Variants in KLHL7 observed in about 807,000 individuals in gnomAD.
KLHL7 encodes kelch-like protein 7.
In KLHL7, 44 loss-of-function variants were observed where a neutral mutation model predicts 67.4. The ratio of observed to expected loss-of-function variants is 0.65; its 90% CI spans 0.51 to 0.84. KLHL7 has a LOEUF of 0.84. Ranked by LOEUF, KLHL7 falls within the 40% of genes least tolerant of loss-of-function variation. KLHL7 has a pLI of 0.00. For synonymous variants in KLHL7, 252 were observed against 243.3 expected (o/e 1.04, Z -0.33); for missense variants, 362 against 718.1 (o/e 0.50, Z 5.67).
At position 23,126,062 on chromosome 7, in the gene KLHL7, C is replaced by A. The variant is rs1398822840; in HGVS notation, c.442+890C>A. 4.6e-6 allele frequency: 3 copies of A among 649,786 alleles called. No homozygotes were observed. The African/African-American group carries it at 5.4e-5, about 12-fold the overall frequency. 40.3% of individuals were successfully genotyped at this position (649,786 alleles called of 1,614,324 possible). ...CAACTTTAACAATATGCTAGCATCA[C>A]TACTCTTATATTTTGGGGCCATTAT... is the stretch of plus-strand genomic sequence containing the variant. On this transcript the variant is annotated intron_variant, in intron 4 of 10. Transcript: ENST00000339077.
chr7:23,171,167 A>C, intron 9 of KLHL7: 1 of 357,912 alleles, frequency 2.8e-6, no homozygotes, highest in Admixed American at 3.2e-5. Context: ...GGCCTCCCAA[A>C]GTGCTGGGAT....
Position 23,115,207 on chromosome 7 carries a change from G to A in KLHL7, c.121-8570G>A, listed in dbSNP as rs530939152. On this transcript the variant is annotated intron_variant, in intron 1 of 10. Transcript: ENST00000339077. ...GCCACACTTTCCGGTATGTTAGAAC[G>A]TCCCTAGGATTGATATAAGAAGATC... Among the ~76,000 whole-genome samples the A allele has an allele frequency of 7.2e-5, 11 of 152,252 alleles. 1 individual carries two copies. The South Asian group carries it at 1.2e-3, about 17-fold the overall frequency.
intron 6 of KLHL7, among the ~76,000 whole-genome samples, chr7:23,150,719 C>T (rs1249512084): frequency 6.6e-6 from 1 of 152,202 alleles, no homozygotes; most frequent in East Asian, 1.9e-4. Context: ...TACCCATCCA[C>T]ATCCCCACCA....
intron 4 of KLHL7, among the ~76,000 whole-genome samples, chr7:23,134,040 A>T (rs561000232): frequency 6.6e-6 from 1 of 152,286 alleles, no homozygotes; most frequent in African/African-American, 2.4e-5. Context: ...ATCTTAGAGG[A>T]CAGGCTTTCA....
chr7:23,143,719 A>G, intron 5 of KLHL7, 132 bp from the exon 6 acceptor site: 2 of 929,060 alleles, frequency 2.2e-6, no homozygotes, highest in African/African-American at 1.6e-5. Flanking sequence ...GCAAGTGTCC[A>G]GGGATGAAAA....
chr7:23,140,882 G>A lies in KLHL7; in HGVS notation c.556G>A (p.Asp186Asn), dbSNP rs1422374767. The part of the protein sequence containing the change: ...VYKTDEFLQL[D>N]VKRVTHLLNQ... ...CAAAACTGATGAATTTCTTCAACTTGATGTCAAGCGAGTAACACATCTTCT... is the reference window on the plus strand; with the variant it reads ...CAAAACTGATGAATTTCTTCAACTTAATGTCAAGCGAGTAACACATCTTCT... Residue 186 changes from aspartate (D) to asparagine (N), a missense_variant, in exon 5 of 11, where the codon GAT (aspartate) becomes AAT (asparagine). By Grantham distance (23) the Asp-to-Asn change is conservative. Transcript: ENST00000339077. 2 of 1,614,058 alleles carry A rather than the reference G, an allele frequency of 1.2e-6. No individual in the cohort carries two copies. Among genetic ancestry groups the A allele is most frequent in the Admixed American group, 1.7e-5 (1 of 60,028 alleles).
At chr7:23,126,120 T>C (rs1263428725) in intron 4 of KLHL7, 1 of 483,094 alleles carries the variant, frequency 2.1e-6, no homozygotes. Context: ...AACAGAGCAC[T>C]GCAATACTAG....
intron 1 of KLHL7, chr7:23,106,604 C>G (rs969847588): frequency 3.8e-6 from 4 of 1,040,264 alleles, no homozygotes; most frequent in Non-Finnish European, 4.6e-6. Flanking sequence ...TCCCCGCCCC[C>G]TCCTGTGTTC....
chr7:23,131,200 C>T (rs1281158131), intron 4 of KLHL7, among the ~76,000 whole-genome samples: 1 of 152,120 alleles, frequency 6.6e-6, no homozygotes, highest in Non-Finnish European at 1.5e-5. Flanking sequence ...AGATAAAACT[C>T]GACTGTCTTC....
chr7:23,140,979 A>G (rs1260032621), intron 5 of KLHL7, 35 bp downstream of exon 5: 6 of 1,566,618 alleles, frequency 3.8e-6, no homozygotes, highest in Non-Finnish European at 5.3e-6. Flanking sequence ...TTTCTTAATA[A>G]AAATGTCTTT....
intron 6 of KLHL7, among the ~76,000 whole-genome samples, chr7:23,146,518 T>C (rs1318064405): frequency 6.6e-6 from 1 of 152,188 alleles, no homozygotes; most frequent in Non-Finnish European, 1.5e-5. Flanking sequence ...TCTCATGTTG[T>C]TTTTATATTG....
rs904857512 is a variant in KLHL7, at chr7:23,177,141, C to T, written c.*2843C>T. 2.6e-5 allele frequency: 4 copies of T among 152,160 alleles called. No individual in the cohort carries two copies. In the South Asian group the frequency reaches 8.3e-4, roughly 32 times the overall value. The allele number at this position is 152,160 out of a possible 1,614,324, so 9.4% of individuals were successfully genotyped here. On this transcript the variant is annotated 3_prime_UTR_variant, in exon 11 of 11. Transcript: ENST00000339077. ...TTCAACACAGAAAACCTCCCAAACACCATAGCCCTAGGCAACCACTAATCT... is the reference window on the plus strand; with the variant it reads ...TTCAACACAGAAAACCTCCCAAACATCATAGCCCTAGGCAACCACTAATCT...
intron 9 of KLHL7, chr7:23,171,133 T>C (rs1397943694): frequency 6.0e-6 from 2 of 331,088 alleles, no homozygotes; most frequent in Non-Finnish European, 1.2e-5. Flanking sequence ...CCTCCATCTC[T>C]TGACCTTGTG....
At chr7:23,161,702 TA>T in intron 7 of KLHL7, among the ~76,000 whole-genome samples, 1 of 152,152 alleles carries the variant, frequency 6.6e-6, no homozygotes, top group Non-Finnish European at 1.5e-5. Flanking sequence ...GGAGCCAGTG[TA>T]ACATAAAGAT....
chr7:23,167,729 T>C (rs996743903), intron 8 of KLHL7, 107 bp from the exon 9 acceptor site: 4 of 942,012 alleles, frequency 4.2e-6, no homozygotes, highest in Non-Finnish European at 6.7e-6. Flanking sequence ...AAAATGGCCG[T>C]ATGACCCTAA....
In KLHL7 at chr7:23,143,657, A is replaced by T. The variant is rs1379179576; in HGVS notation, c.619-194A>T. Among the ~76,000 whole-genome samples, 3 of 152,182 alleles carry T rather than the reference A, an allele frequency of 2.0e-5. No individual in the cohort carries two copies. The South Asian group carries it at 6.2e-4, about 31-fold the overall frequency. On this transcript the variant is annotated intron_variant, in intron 5 of 10. Transcript: ENST00000339077. Reference sequence around the variant, plus strand: ...ATAATAGTAGTTAGTTCTAAAAAACATATTACCTACAAGACTCACTAGAGC... The same window carrying T: ...ATAATAGTAGTTAGTTCTAAAAAACTTATTACCTACAAGACTCACTAGAGC...
intron 4 of KLHL7, among the ~76,000 whole-genome samples, chr7:23,130,082 T>C (rs1188236560): frequency 6.6e-6 from 1 of 152,234 alleles, no homozygotes; most frequent in Non-Finnish European, 1.5e-5. Flanking sequence ...TTTATCCAGT[T>C]ATCTTCTAGC....
chr7:23,165,977 T>C lies in KLHL7; in HGVS notation c.1177+39T>C, dbSNP rs148342744. 1,088 of 1,610,052 alleles carry C rather than the reference T, an allele frequency of 6.8e-4. 5 individuals are homozygous for C. In the African/African-American group the frequency reaches 0.012, roughly 18 times the overall value. On this transcript the variant is annotated intron_variant, in intron 8 of 10. Coordinates refer to ENST00000339077, the MANE Select transcript of KLHL7 (RefSeq NM_001031710.3). ...AAGTATTTTGGTTTGGGGCATATGC[T>C]TTAAAGCCAAGTATCTTGGCTTTCA...
chr7:23,122,099 G>A (rs995309603), intron 1 of KLHL7, among the ~76,000 whole-genome samples: 1 of 151,338 alleles, frequency 6.6e-6, no homozygotes, highest in African/African-American at 2.4e-5. Context: ...TTAATATCCA[G>A]CTGGACATTA....
Sources: gnomAD v4.1 joint callset for allele counts (sites outside exome capture counted in the v4.1 genomes callset) on GRCh38, gnomAD v4.1.1 for gene constraint, MANE v1.5 for transcripts, NCBI Gene and HGNC (gene_info 2026-07-23, HGNC 2026-07-21) for gene names.